Variants in CDADC1 observed in about 807,000 individuals in gnomAD.
CDADC1 encodes the protein dCTP deaminase.
CDADC1 carries 39 observed loss-of-function variants against 54.9 expected under a neutral mutation model. The ratio of observed to expected loss-of-function variants is 0.71; its 90% CI spans 0.55 to 0.93. The LOEUF is 0.93. Ranked by LOEUF, CDADC1 falls within the 40% of genes least tolerant of loss-of-function variation. The pLI, the probability that CDADC1 is intolerant of heterozygous loss-of-function variation, is 0.00. For synonymous variants in CDADC1, 186 were observed against 204.0 expected (o/e 0.91, Z 0.75); for missense variants, 518 against 618.8 (o/e 0.84, Z 1.73).
chr13:49,259,630 C>G (rs948402066), intron 4 of CDADC1, 107 bp downstream of exon 4: 4 of 1,080,946 alleles, frequency 3.7e-6, no homozygotes, highest in Non-Finnish European at 5.4e-6. Context: ...GCAGGAGGAT[C>G]GCCTGAGCCC....
chr13:49,280,195 TTC>T (rs1041514333), intron 7 of CDADC1, among the ~76,000 whole-genome samples: 4 of 152,220 alleles, frequency 2.6e-5, no homozygotes, highest in African/African-American at 7.2e-5. Flanking sequence ...TGGGGGTTTT[TTC>T]TCTCTTTCTT....
At chr13:49,275,187 G>T (rs944501510) in intron 6 of CDADC1, among the ~76,000 whole-genome samples, 4 of 151,128 alleles carry the variant, frequency 2.6e-5, no homozygotes, top group African/African-American at 9.7e-5. Context: ...CTGGATTCAA[G>T]TGATTCTCAT....
chr13:49,286,814 G>C (rs551209645), intron 9 of CDADC1, among the ~76,000 whole-genome samples: 1 of 152,276 alleles, frequency 6.6e-6, no homozygotes, highest in East Asian at 1.9e-4. Context: ...CAGATATTTT[G>C]AATGTAATAT....
chr13:49,278,548 T>G, intron 7 of CDADC1, 29 bp downstream of exon 7: 1 of 1,412,028 alleles, frequency 7.1e-7, no homozygotes, highest in Non-Finnish European at 9.6e-7. Flanking sequence ...TGTACTTTTC[T>G]TTAAAATGTA....
intron 2 of CDADC1, among the ~76,000 whole-genome samples, chr13:49,249,502 G>A (rs558607431): frequency 1.3e-5 from 2 of 152,306 alleles, no homozygotes; most frequent in South Asian, 4.1e-4. Flanking sequence ...GTGAGGCTGA[G>A]GTGGGTGGAT....
At chr13:49,272,721 G>A (rs538007806) in intron 5 of CDADC1, among the ~76,000 whole-genome samples, 14 of 148,310 alleles carry the variant, frequency 9.4e-5, no homozygotes, top group African/African-American at 2.8e-4. Flanking sequence ...GAAGTGGTAC[G>A]ATCTCAACTC....
At chr13:49,286,099 C>CCA (rs1953506594) in intron 8 of CDADC1, 123 bp from the exon 9 acceptor site, 1 of 738,778 alleles carries the variant, frequency 1.4e-6, no homozygotes, top group Non-Finnish European at 2.2e-6. Flanking sequence ...CAGGTGTGAC[C>CCA]CACTATGCCC....
intron 7 of CDADC1, among the ~76,000 whole-genome samples, 175 bp downstream of exon 7, chr13:49,278,694 C>T (rs1177046365): frequency 6.6e-6 from 1 of 152,184 alleles, no homozygotes; most frequent in Non-Finnish European, 1.5e-5. Context: ...ATGACCTGAC[C>T]TGAGGTCATC....
At chr13:49,259,647 T>A in intron 4 of CDADC1, 124 bp downstream of exon 4, 1 of 862,216 alleles carries the variant, frequency 1.2e-6, no homozygotes, top group Non-Finnish European at 1.8e-6. Flanking sequence ...GCCCAGGAGT[T>A]CACAAATAGC....
At chr13:49,265,294 G>C (rs1024048610) in intron 4 of CDADC1, among the ~76,000 whole-genome samples, 4 of 152,136 alleles carry the variant, frequency 2.6e-5, no homozygotes, top group Non-Finnish European at 4.4e-5. Context: ...CAATAAATGT[G>C]CAAAAATTAG....
chr13:49,264,639 G>GTAGA (rs1434723549), intron 4 of CDADC1, among the ~76,000 whole-genome samples: 1 of 151,318 alleles, frequency 6.6e-6, no homozygotes, highest in Admixed American at 6.6e-5. Context: ...AGGAGGATTG[G>GTAGA]TAGAGTATGG....
intron 8 of CDADC1, 89 bp from the exon 9 acceptor site, chr13:49,286,130 TAAG>T: frequency 1.9e-6 from 2 of 1,078,188 alleles, no homozygotes; most frequent in Non-Finnish European, 2.8e-6. Flanking sequence ...CTTCCATTTT[TAAG>T]AAGTTGTTTT....
Position 49,259,392 on chromosome 13 carries a change from G to A in CDADC1, c.299G>A (p.Gly100Asp). The change falls in exon 4 of 10, where the codon GGT becomes GAT. Residue 100 changes from glycine to aspartate, a missense_variant. Coordinates refer to ENST00000251108, the MANE Select transcript of CDADC1 (RefSeq NM_030911.4). The stretch of plus-strand genomic sequence containing the variant: ...GTGGTGAAAAACATGAAAATTGTTG[G>A]TCTCCACTGTTCTAGTGAAGATTTA... ...LVVVKNMKIVGLHCSSEDLHA... is the reference protein window; with the variant it reads ...LVVVKNMKIVDLHCSSEDLHA... 3 of 1,613,504 alleles carry A rather than the reference G, an allele frequency of 1.9e-6. No individual in the cohort carries two copies. The highest frequency in any genetic ancestry group is 1.7e-6 in the Non-Finnish European group (2 of 1,179,604).
intron 3 of CDADC1, among the ~76,000 whole-genome samples, chr13:49,257,879 C>T (rs556048294): frequency 7.9e-5 from 12 of 152,218 alleles, no homozygotes; most frequent in Admixed American, 2.0e-4. Context: ...ATATATGCTT[C>T]GCATTTGAGG....
At chr13:49,266,056 AC>A in intron 4 of CDADC1, 1 of 622,362 alleles carries the variant, frequency 1.6e-6, no homozygotes, top group Non-Finnish European at 2.4e-6. Flanking sequence ...AGTCAGGAGT[AC>A]CAGGGAGTGG....
chr13:49,257,272 A>G (rs189200452), intron 3 of CDADC1, among the ~76,000 whole-genome samples: 9 of 152,352 alleles, frequency 5.9e-5, no homozygotes, highest in African/African-American at 2.2e-4. Context: ...CTAATAACAA[A>G]TAAGTTGATG....
At position 49,291,677 on chromosome 13, in the gene CDADC1, A is replaced by G. The variant is rs368930237; in HGVS notation, c.1472-7A>G. 1.2e-5 allele frequency: 20 copies of G among 1,613,512 alleles called. No individual in the cohort carries two copies. In the African/African-American group the frequency reaches 1.5e-4, roughly 12 times the overall value. ...CTGTCCTGACCTAGCGTTATTCTCA[A>G]TGCTAGATGGTGTGTTGAGACCTGT... On this transcript the variant is annotated splice_region_variant and splice_polypyrimidine_tract_variant and intron_variant, in intron 9 of 9. Coordinates refer to ENST00000251108, the MANE Select transcript of CDADC1 (RefSeq NM_030911.4).
At position 49,267,791 on chromosome 13, in the gene CDADC1, G is replaced by T. The variant is rs754792697; in HGVS notation, c.732G>T (p.Leu244Phe). 3 of 1,611,646 alleles carry T rather than the reference G, an allele frequency of 1.9e-6. No individual in the cohort carries two copies. In the South Asian group the frequency reaches 3.3e-5, roughly 18 times the overall value. The change falls in exon 5 of 10, where the codon TTG (leucine) becomes TTT (phenylalanine). Residue 244 changes from leucine (L) to phenylalanine (F), a missense_variant. Transcript: ENST00000251108. ...ERIKEYEMLF[L>F]VSNEEMHKQI... is the part of the protein sequence containing the mutation. ...TAAAAGAATATGAAATGTTATTTTTGGTTTCAAATGAAGAAATGCATAAGC... is the reference window on the plus strand; with the variant it reads ...TAAAAGAATATGAAATGTTATTTTTTGTTTCAAATGAAGAAATGCATAAGC...
intron 2 of CDADC1, among the ~76,000 whole-genome samples, chr13:49,253,043 A>AT (rs1952470175): frequency 6.6e-6 from 1 of 152,178 alleles, no homozygotes; most frequent in Non-Finnish European, 1.5e-5. Flanking sequence ...AGAGAAAAAA[A>AT]GTCTTCTTTA....
Sources: gnomAD v4.1 joint callset for allele counts (sites outside exome capture counted in the v4.1 genomes callset) on GRCh38, gnomAD v4.1.1 for gene constraint, MANE v1.5 for transcripts, NCBI Gene and HGNC (gene_info 2026-07-23, HGNC 2026-07-21) for gene names.